Variants in CNDP1 observed in about 807,000 individuals in gnomAD.
CNDP1 encodes carnosine dipeptidase 1.
CNDP1 carries 44 observed loss-of-function variants against 58.1 expected under a neutral mutation model. The ratio of observed to expected loss-of-function variants is 0.76; its 90% CI spans 0.60 to 0.97. The LOEUF (loss-of-function observed/expected upper bound fraction) is 0.97. CNDP1 is among the 50% of genes least tolerant of loss of function. CNDP1 has a pLI of 0.00. For missense variants in CNDP1, 616 were observed against 655.1 expected (o/e 0.94, Z 0.65); for synonymous variants, 254 against 252.6 (o/e 1.01, Z -0.05).
rs1981131460 is a variant in CNDP1, at chr18:74,559,484, T to G, written c.303+12T>G. The G allele has an allele frequency of 6.3e-7, 1 of 1,594,664 alleles. No individual in the cohort carries two copies. ...TGGGTCCTCAGCAGGTGCTGTACGA[T>G]TCCCTCCCACTGAGGGAGGTGCTAC... is the stretch of plus-strand genomic sequence containing the variant. On this transcript the variant is annotated intron_variant, in intron 3 of 11. Transcript: ENST00000358821.
intron 9 of CNDP1, among the ~76,000 whole-genome samples, chr18:74,579,240 C>T (rs1981724774): frequency 6.7e-6 from 1 of 148,380 alleles, no homozygotes; most frequent in Non-Finnish European, 1.5e-5. Flanking sequence ...CTCACCTCCC[C>T]TCTCCTTTCC....
In CNDP1 at chr18:74,545,458, G is replaced by A. The variant is rs1004940969; in HGVS notation, c.24+10767G>A. On this transcript the variant is annotated intron_variant, in intron 1 of 11. Coordinates refer to ENST00000358821, the MANE Select transcript of CNDP1 (RefSeq NM_032649.6). The surrounding 1 kb of genome is among the most constrained non-coding windows in gnomAD (Gnocchi z 4.1). ...AGATGACACTTTAAAGGCTGTGTAC[G>A]TAATTACAGGTTTCTAGAAAAGAAA... Among the ~76,000 whole-genome samples the A allele has an allele frequency of 7.2e-5, 11 of 152,162 alleles. No individual in the cohort carries two copies. Among genetic ancestry groups the A allele is most frequent in the Admixed American group, 2.0e-4 (3 of 15,270 alleles).
rs890865425 is a variant in CNDP1 at position 74,586,751 on chromosome 18, C to G, written c.*2189C>G. ...TCCCCAGCTCTTCCCTCCTGTTTTT[C>G]CACCCAATTCTAAGCCCTGTGGTGA... is the stretch of plus-strand genomic sequence containing the variant. On this transcript the variant is annotated 3_prime_UTR_variant, in exon 12 of 12. Transcript: ENST00000358821. The G allele has an allele frequency of 1.3e-5, 2 of 152,132 alleles. No individual in the cohort carries two copies. Among genetic ancestry groups the G allele is most frequent in the African/African-American group, 4.8e-5 (2 of 41,402 alleles). 9.4% of individuals were successfully genotyped at this position (152,132 alleles called of 1,614,324 possible). A position where few individuals can be genotyped will look rare whatever the true frequency, so the allele number is the denominator to read the frequency against.
At chr18:74,537,831 C>A (rs879572385) in intron 1 of CNDP1, among the ~76,000 whole-genome samples, 1 of 152,202 alleles carries the variant, frequency 6.6e-6, no homozygotes, top group Non-Finnish European at 1.5e-5. Context: ...ACTTTGTCCA[C>A]ACTCCTTGTT....
rs1337577543 is a variant in CNDP1, at chr18:74,584,509, G to A, written c.1471G>A (p.Glu491Lys). ...NEKINRWNYIEGTKLFAAFFL... is the reference protein window; with the variant it reads ...NEKINRWNYIKGTKLFAAFFL... ...TCCTCTTCTTAGGTGGAACTACATA[G>A]AGGGAACCAAATTATTTGCTGCCTT... Residue 491 changes from glutamate to lysine, a missense_variant, in exon 12 of 12, where the codon GAG becomes AAG. By Grantham distance (56) the Glu-to-Lys change is moderately conservative (BLOSUM62 1). Transcript: ENST00000358821. The A allele has an allele frequency of 1.2e-6, 2 of 1,613,200 alleles. No individual in the cohort carries two copies. Among genetic ancestry groups the A allele is most frequent in the Non-Finnish European group, 1.7e-6 (2 of 1,179,306 alleles).
intron 7 of CNDP1, among the ~76,000 whole-genome samples, chr18:74,571,831 T>C (rs553102896): frequency 6.6e-6 from 1 of 152,234 alleles, no homozygotes; most frequent in East Asian, 1.9e-4. Flanking sequence ...AGCATGTGGG[T>C]TCTGGGTGTG....
intron 7 of CNDP1, among the ~76,000 whole-genome samples, chr18:74,575,348 T>A (rs751234321): frequency 7.9e-5 from 12 of 152,212 alleles, no homozygotes; most frequent in Non-Finnish European, 1.8e-4. Context: ...TGCAACTCTG[T>A]CCTTACGCAG....
In CNDP1 at chr18:74,571,315, T is replaced by C. The variant is rs563556329; in HGVS notation, c.841+45T>C. ...CACTTTTTAAGCATCAGGGATCAAC[T>C]AAAAGACAGCTCTACTTGATTTTAT... On this transcript the variant is annotated intron_variant, in intron 7 of 11. Coordinates refer to ENST00000358821, the MANE Select transcript of CNDP1 (RefSeq NM_032649.6). 7 of 1,302,646 alleles carry C rather than the reference T, an allele frequency of 5.4e-6. No homozygotes were observed. The South Asian group carries it at 7.1e-5, about 13-fold the overall frequency. 80.7% of individuals were successfully genotyped at this position (1,302,646 alleles called of 1,614,324 possible).
chr18:74,584,286 T>C, intron 11 of CNDP1: 1 of 560,524 alleles, frequency 1.8e-6, no homozygotes, highest in Middle Eastern at 4.9e-4. Context: ...GATTTGAGTC[T>C]AGGACTGATT....
rs1981885245 is a variant in CNDP1 at position 74,585,393 on chromosome 18, A to G, written c.*831A>G. Reference sequence around the variant, plus strand: ...CCCCATTGAAGTTTTACTCAATGACAACATCTAAATTGCTCAAAGCTTTTA... The same window carrying G: ...CCCCATTGAAGTTTTACTCAATGACGACATCTAAATTGCTCAAAGCTTTTA... On this transcript the variant is annotated 3_prime_UTR_variant, in exon 12 of 12. Coordinates refer to ENST00000358821, the MANE Select transcript of CNDP1 (RefSeq NM_032649.6). The G allele has an allele frequency of 6.6e-6, 1 of 152,206 alleles. No individual in the cohort carries two copies. Among genetic ancestry groups the G allele is most frequent in the Non-Finnish European group, 1.5e-5 (1 of 68,050 alleles). The allele number at this position is 152,206 out of a possible 1,614,324, so 9.4% of individuals were successfully genotyped here. A position where few individuals can be genotyped will look rare whatever the true frequency, so the allele number is the denominator to read the frequency against.
intron 1 of CNDP1, among the ~76,000 whole-genome samples, chr18:74,550,224 C>T (rs570787197): frequency 2.0e-4 from 31 of 152,290 alleles, no homozygotes; most frequent in South Asian, 6.2e-4. Flanking sequence ...AAAGCCATAG[C>T]GGTGGAGCTT....
In CNDP1 at chr18:74,545,945, CCT is replaced by C. The variant is rs1486377737; in HGVS notation, c.25-10392_25-10391del. On this transcript the variant is annotated intron_variant, in intron 1 of 11. Transcript: ENST00000358821. The surrounding 1 kb of genome is among the most constrained non-coding windows in gnomAD (Gnocchi z 4.1). ...CACCCCTCAAAACCGAGAGCCATGCCCTGTTTCCCCATTGGAAACACGCTTTT... is the reference window on the plus strand; with the variant it reads ...CACCCCTCAAAACCGAGAGCCATGCCGTTTCCCCATTGGAAACACGCTTTT... 2.0e-5 allele frequency among the ~76,000 whole-genome samples: 3 copies of C among 152,124 alleles called. No homozygotes were observed. Among genetic ancestry groups the C allele is most frequent in the African/African-American group, 7.2e-5 (3 of 41,392 alleles).
chr18:74,537,595 G>A (rs540782693), intron 1 of CNDP1, among the ~76,000 whole-genome samples: 13 of 152,284 alleles, frequency 8.5e-5, no homozygotes, highest in African/African-American at 2.9e-4. Flanking sequence ...GTGGCCCAGG[G>A]GGACTGGATG....
rs144587048 is a variant in CNDP1 at position 74,580,212 on chromosome 18, C to A, written c.1250C>A (p.Pro417Gln). ...MVVSMTLGLHPWIANIDDTQY... is the reference protein window; with the variant it reads ...MVVSMTLGLHQWIANIDDTQY... Reference sequence around the variant, plus strand: ...GTTTCCATGACTCTAGGACTACACCCGTGGATTGCAAATATTGATGACACC... The same window carrying A: ...GTTTCCATGACTCTAGGACTACACCAGTGGATTGCAAATATTGATGACACC... The change falls in exon 10 of 12, where the codon CCG (proline) becomes CAG (glutamine). Residue 417 changes from proline to glutamine, a missense_variant. By Grantham distance (76) the Pro-to-Gln change is moderately conservative (BLOSUM62 -1). Coordinates refer to ENST00000358821, the MANE Select transcript of CNDP1 (RefSeq NM_032649.6). 1.2e-6 allele frequency: 2 copies of A among 1,614,036 alleles called. No individual in the cohort carries two copies. Among genetic ancestry groups the A allele is most frequent in the Non-Finnish European group, 1.7e-6 (2 of 1,179,926 alleles).
Position 74,545,689 on chromosome 18 carries a change from A to G in CNDP1, c.25-10649A>G, listed in dbSNP as rs947130112. Among the ~76,000 whole-genome samples, 1 of 152,070 alleles carries G rather than the reference A, an allele frequency of 6.6e-6. No individual in the cohort carries two copies. The highest frequency in any genetic ancestry group is 1.5e-5 in the Non-Finnish European group (1 of 68,024). On this transcript the variant is annotated intron_variant, in intron 1 of 11. Transcript: ENST00000358821. This position sits in a 1 kb window ranked among gnomAD's most constrained non-coding sequence, Gnocchi z 4.1. ...CTCTCTGCTGTTCTGCGGCCGGAAC[A>G]TCTTAATTTCACGTGCTGCCCCCTG...
intron 5 of CNDP1, among the ~76,000 whole-genome samples, chr18:74,566,251 G>A (rs1981325741): frequency 6.6e-6 from 1 of 152,226 alleles, no homozygotes; most frequent in African/African-American, 2.4e-5. Flanking sequence ...GAAGGTCTCT[G>A]ACATGACCTG....
At chr18:74,570,244 A>ATTT (rs1568298374) in intron 6 of CNDP1, among the ~76,000 whole-genome samples, 7 of 15,276 alleles carry the variant, frequency 4.6e-4, no homozygotes, top group African/African-American at 3.1e-3. Flanking sequence ...TAAATAATTA[A>ATTT]AAAAAAAGAA....
Position 74,575,075 on chromosome 18 carries a change from GGAAA to G in CNDP1, c.842-1788_842-1785del, listed in dbSNP as rs1177813734. On this transcript the variant is annotated intron_variant, in intron 7 of 11. Coordinates refer to ENST00000358821, the MANE Select transcript of CNDP1 (RefSeq NM_032649.6). ...GAGAAAGGAAAGAAGAAAGAAGGAA[GGAAA>G]GAAAGGAAGGAAGGAAAGAAAAAAG... 7.3e-4 allele frequency among the ~76,000 whole-genome samples: 104 copies of G among 141,864 alleles called. 2 individuals are homozygous for G. The South Asian group carries it at 8.0e-3, about 11-fold the overall frequency. The allele number at this position is 141,864 out of a possible 152,430, so 93.1% of individuals were successfully genotyped here. A position where few individuals can be genotyped will look rare whatever the true frequency, so the allele number is the denominator to read the frequency against.
chr18:74,562,157 G>A (rs1294530549), intron 5 of CNDP1, 22 bp downstream of exon 5: 2 of 1,607,096 alleles, frequency 1.2e-6, no homozygotes, highest in South Asian at 2.2e-5. Context: ...CTGTGTTTGG[G>A]AGAGAGGAGG....
Sources: gnomAD v4.1 joint callset for allele counts (sites outside exome capture counted in the v4.1 genomes callset) on GRCh38, gnomAD v4.1.1 for gene constraint, Gnocchi (gnomAD v3.1) non-coding constraint, MANE v1.5 for transcripts, NCBI Gene and HGNC (gene_info 2026-07-23, HGNC 2026-07-21) for gene names.